The following DIP2B variants were observed in gnomAD, a reference collection of about 807,000 sequenced individuals.
DIP2B encodes DIP2 acetate--CoA ligase B (putative).
In DIP2B, 76 loss-of-function variants were observed where a neutral mutation model predicts 198.0. The ratio of observed to expected loss-of-function variants is 0.38; its 90% CI spans 0.32 to 0.46. The LOEUF is 0.46. Ranked by LOEUF, DIP2B falls within the 20% of genes least tolerant of loss-of-function variation. The pLI, the probability that DIP2B is intolerant of heterozygous loss-of-function variation, is 0.99. For synonymous variants in DIP2B, 701 were observed against 739.1 expected, an observed-to-expected ratio of 0.95 and a Z score of 0.84; for missense variants, 1,559 against 1,978.4, an observed-to-expected ratio of 0.79 and a Z score of 4.02.
intron 1 of DIP2B, among the ~76,000 whole-genome samples, chr12:50,623,084 T>C (rs1593663632): frequency 6.6e-6 from 1 of 152,106 alleles, no homozygotes; most frequent in East Asian, 1.9e-4. Context: ...AAAATCAAAC[T>C]CTACTAAAGT....
chr12:50,654,582 GCT>G (rs1040096599), intron 3 of DIP2B, among the ~76,000 whole-genome samples: 1 of 151,922 alleles, frequency 6.6e-6, no homozygotes, highest in African/African-American at 2.4e-5. Context: ...TTACCCTTGG[GCT>G]CATGCAGTCC....
At chr12:50,555,363 C>T (rs952806370) in intron 1 of DIP2B, among the ~76,000 whole-genome samples, 1 of 152,166 alleles carries the variant, frequency 6.6e-6, no homozygotes, top group Non-Finnish European at 1.5e-5. Flanking sequence ...CCATCCCTAC[C>T]CTGTGTTTGC....
At chr12:50,621,425 C>A (rs1937808901) in intron 1 of DIP2B, among the ~76,000 whole-genome samples, 1 of 126,870 alleles carries the variant, frequency 7.9e-6, no homozygotes. Context: ...TGCTAAAGAA[C>A]TCTTTTTCTC....
chr12:50,586,765 G>A (rs539680606), intron 1 of DIP2B, among the ~76,000 whole-genome samples: 36 of 152,274 alleles, frequency 2.4e-4, no homozygotes, highest in African/African-American at 7.7e-4. Context: ...TAGAGATGAG[G>A]TTTCACCATG....
intron 1 of DIP2B, among the ~76,000 whole-genome samples, chr12:50,594,500 G>A (rs2139434346): frequency 6.6e-6 from 1 of 152,286 alleles, no homozygotes; most frequent in Middle Eastern, 3.4e-3. Flanking sequence ...TTTGGCTGAT[G>A]TTTCGGTTCA....
intron 3 of DIP2B, among the ~76,000 whole-genome samples, chr12:50,655,718 G>A (rs190880019): frequency 1.4e-4 from 22 of 152,298 alleles, no homozygotes; most frequent in African/African-American, 5.1e-4. Flanking sequence ...AGTGGCTCAC[G>A]CCCATAATCC....
At chr12:50,648,306 C>T (rs1488047940) in intron 3 of DIP2B, among the ~76,000 whole-genome samples, 1 of 152,040 alleles carries the variant, frequency 6.6e-6, no homozygotes, top group African/African-American at 2.4e-5. Flanking sequence ...TGTTTACTGG[C>T]CATTTGTGCT....
In DIP2B at chr12:50,606,579, G is replaced by C. The variant is rs754001726; in HGVS notation, c.101-19397G>C. ...AATTTTTCTCACCTTCAAAGGAGGT[G>C]GTTTTTAGCTGATCTTCATAAAATT... On this transcript the variant is annotated intron_variant, in intron 1 of 37. Coordinates refer to ENST00000301180, the MANE Select transcript of DIP2B (RefSeq NM_173602.3). Among the ~76,000 whole-genome samples the C allele has an allele frequency of 3.3e-5, 5 of 152,162 alleles. No individual in the cohort carries two copies. In the South Asian group the frequency reaches 1.0e-3, roughly 32 times the overall value.
At chr12:50,658,815 G>A (rs745568422) in intron 3 of DIP2B, among the ~76,000 whole-genome samples, 11 of 152,160 alleles carry the variant, frequency 7.2e-5, no homozygotes, top group Admixed American at 2.0e-4. Flanking sequence ...CTGGCCGGGC[G>A]TGGTGGCTCA....
At chr12:50,544,955 G>A (rs1958363246) in intron 1 of DIP2B, among the ~76,000 whole-genome samples, 1 of 152,054 alleles carries the variant, frequency 6.6e-6, no homozygotes, top group Non-Finnish European at 1.5e-5. Context: ...ACCAGGTGTG[G>A]TTTCTTATGA....
intron 1 of DIP2B, among the ~76,000 whole-genome samples, chr12:50,555,103 A>T (rs7956591): frequency 0.28 from 42,190 of 151,854 alleles, 6,137 homozygotes; most frequent in East Asian, 0.39. Context: ...TTTGGAATAT[A>T]ATATTCTTGC....
intron 4 of DIP2B, among the ~76,000 whole-genome samples, chr12:50,661,720 G>A (rs1938651755): frequency 6.6e-6 from 1 of 152,170 alleles, no homozygotes; most frequent in African/African-American, 2.4e-5. Context: ...CAGTTTAGTA[G>A]CTATTCCTTT....
chr12:50,743,535 A>G (rs1156446115), intron 37 of DIP2B: 1 of 151,932 alleles, frequency 6.6e-6, no homozygotes, highest in Non-Finnish European at 1.5e-5. Context: ...TCAGACAGAC[A>G]CTCTTCCTGT....
At chr12:50,542,028 C>T (rs1958330772) in intron 1 of DIP2B, among the ~76,000 whole-genome samples, 1 of 148,504 alleles carries the variant, frequency 6.7e-6, no homozygotes, top group South Asian at 2.1e-4. Flanking sequence ...CGCGGTGGCT[C>T]ACGCCTGTAA....
At chr12:50,632,253 G>A (rs974640084) in intron 2 of DIP2B, among the ~76,000 whole-genome samples, 5 of 151,994 alleles carry the variant, frequency 3.3e-5, no homozygotes, top group South Asian at 4.1e-4. Flanking sequence ...TTGGGAGGCC[G>A]AGGTGGGCCT....
At chr12:50,559,864 TGTAGC>T (rs1301836141) in intron 1 of DIP2B, among the ~76,000 whole-genome samples, 2 of 152,104 alleles carry the variant, frequency 1.3e-5, no homozygotes, top group East Asian at 3.8e-4. Context: ...AGGGGTGAAA[TGTAGC>T]ACACCAAATT....
intron 22 of DIP2B, 90 bp downstream of exon 22, chr12:50,708,652 C>T (rs1021679399): frequency 1.7e-5 from 17 of 1,021,200 alleles, no homozygotes; most frequent in Non-Finnish European, 2.2e-5. Flanking sequence ...AGTAATGCCA[C>T]CTTACTTCTT....
At chr12:50,552,305 T>C (rs1384619333) in intron 1 of DIP2B, among the ~76,000 whole-genome samples, 1 of 151,634 alleles carries the variant, frequency 6.6e-6, no homozygotes, top group East Asian at 1.9e-4. Context: ...TCTCACTCTG[T>C]CGCCCAGGCT....
chr12:50,638,993 G>C (rs1052767811), intron 2 of DIP2B, among the ~76,000 whole-genome samples: 2 of 152,072 alleles, frequency 1.3e-5, no homozygotes, highest in African/African-American at 4.8e-5. Flanking sequence ...TTCGGATTTG[G>C]GTATTTGGGG....
Sources: gnomAD v4.1 joint callset for allele counts (sites outside exome capture counted in the v4.1 genomes callset) on GRCh38, gnomAD v4.1.1 for gene constraint, MANE v1.5 for transcripts, NCBI Gene and HGNC (gene_info 2026-07-23, HGNC 2026-07-21) for gene names.